Variants in EEPD1 observed in about 807,000 individuals in gnomAD.
EEPD1 encodes endonuclease/exonuclease/phosphatase family domain-containing protein 1.
Under a neutral mutation model 46.3 loss-of-function variants are expected in EEPD1, and 17 were observed. The ratio of observed to expected loss-of-function variants is 0.37; its 90% CI spans 0.25 to 0.55. The LOEUF is 0.55. Ranked by LOEUF, EEPD1 falls within the 20% of genes least tolerant of loss-of-function variation. The pLI is 0.83. For synonymous variants in EEPD1, 313 were observed against 315.6 expected, an observed-to-expected ratio of 0.99 and a Z score of 0.09; for missense variants, 673 against 745.6, an observed-to-expected ratio of 0.90 and a Z score of 1.13.
chr7:36,279,858 C>G (rs1372580224), intron 3 of EEPD1, among the ~76,000 whole-genome samples: 1 of 152,204 alleles, frequency 6.6e-6, no homozygotes, highest in Admixed American at 6.5e-5. Context: ...GGTGCATCAG[C>G]ATGGCCATGA....
intron 2 of EEPD1, among the ~76,000 whole-genome samples, chr7:36,197,037 T>G (rs1290655875): frequency 7.6e-6 from 1 of 132,086 alleles, no homozygotes; most frequent in Non-Finnish European, 1.6e-5. Flanking sequence ...CCGTCTGGGA[T>G]GTGAGGAGCG....
rs1055014790 is a variant in EEPD1 at position 36,179,568 on chromosome 7, TA to T, written c.878+24374del. On this transcript the variant is annotated intron_variant, in intron 2 of 7. Coordinates refer to ENST00000242108, the MANE Select transcript of EEPD1 (RefSeq NM_030636.3). Reference sequence around the variant, plus strand: ...AGAAAGGACCACACTGTCTTAAAAATAAAAAAAAGAGGCCAGGTGTGGTGGC... The same window carrying T: ...AGAAAGGACCACACTGTCTTAAAAATAAAAAAAGAGGCCAGGTGTGGTGGC... 1.1e-4 allele frequency among the ~76,000 whole-genome samples: 17 copies of T among 148,226 alleles called. 1 individual carries two copies. Among genetic ancestry groups the T allele is most frequent in the South Asian group, 4.4e-4 (2 of 4,578 alleles).
chr7:36,281,130 A>G lies in EEPD1; in HGVS notation c.946A>G (p.Asn316Asp). The G allele has an allele frequency of 1.2e-6, 2 of 1,614,126 alleles. No homozygotes were observed. The highest frequency in any genetic ancestry group is 1.7e-6 in the Non-Finnish European group (2 of 1,180,048). ...GTCTTTGCAGTTCTGCACGGAGCTA[A>G]ACCAGCCGACCCTGCCCAACATCCG... The part of the protein sequence containing the change: ...EALEKFCTEL[N>D]QPTLPNIRKW... Residue 316 changes from asparagine to aspartate, a missense_variant, in exon 4 of 8, where the codon AAC (asparagine) becomes GAC (aspartate). Physicochemically the swap from Asn to Asp is conservative, Grantham distance 23. Transcript: ENST00000242108.
At chr7:36,187,158 C>A (rs1478519051) in intron 2 of EEPD1, among the ~76,000 whole-genome samples, 1 of 152,102 alleles carries the variant, frequency 6.6e-6, no homozygotes, top group Non-Finnish European at 1.5e-5. Flanking sequence ...CTCCTCTTTA[C>A]CTCCTTTTCA....
At chr7:36,267,445 C>G (rs1354546528) in intron 3 of EEPD1, among the ~76,000 whole-genome samples, 6 of 152,192 alleles carry the variant, frequency 3.9e-5, no homozygotes, top group African/African-American at 1.4e-4. Flanking sequence ...CCACCACAGG[C>G]CCTTTGCACA....
intron 2 of EEPD1, among the ~76,000 whole-genome samples, chr7:36,198,354 AAAAAG>A (rs752916160): frequency 0.11 from 14,330 of 134,876 alleles, 949 homozygotes; most frequent in Non-Finnish European, 0.13. Context: ...AAAAAAAAAA[AAAAAG>A]AAAGATATTT....
intron 2 of EEPD1, among the ~76,000 whole-genome samples, chr7:36,175,960 C>A (rs1003913041): frequency 1.3e-5 from 2 of 152,188 alleles, no homozygotes; most frequent in Non-Finnish European, 2.9e-5. Flanking sequence ...CTCTGTGTGG[C>A]CTCTCTGGGA....
At chr7:36,224,677 T>C (rs149623966) in intron 2 of EEPD1, among the ~76,000 whole-genome samples, 17 of 152,246 alleles carry the variant, frequency 1.1e-4, no homozygotes, top group South Asian at 8.3e-4. Context: ...AGCAAGGAGA[T>C]GGATTCCATA....
chr7:36,179,935 CT>C (rs1264357428), intron 2 of EEPD1, among the ~76,000 whole-genome samples: 1 of 152,138 alleles, frequency 6.6e-6, no homozygotes, highest in African/African-American at 2.4e-5. Flanking sequence ...TCCCCCACCC[CT>C]GGCTTGCACT....
At chr7:36,262,048 A>G (rs1786933397) in intron 3 of EEPD1, among the ~76,000 whole-genome samples, 1 of 152,220 alleles carries the variant, frequency 6.6e-6, no homozygotes, top group South Asian at 2.1e-4. Context: ...CCTTAGAAGC[A>G]TTATCCAAAG....
At chr7:36,280,279 G>A (rs1787240227) in intron 3 of EEPD1, among the ~76,000 whole-genome samples, 1 of 152,176 alleles carries the variant, frequency 6.6e-6, no homozygotes, top group African/African-American at 2.4e-5. Flanking sequence ...CTGCCTCAGT[G>A]GGGCTGAATG....
chr7:36,164,410 T>C (rs1007398740), intron 2 of EEPD1, among the ~76,000 whole-genome samples: 30 of 152,200 alleles, frequency 2.0e-4, no homozygotes, highest in South Asian at 2.1e-4. Flanking sequence ...TCACAGCTGA[T>C]CAAGCCAAGT....
intron 2 of EEPD1, among the ~76,000 whole-genome samples, chr7:36,223,752 G>T (rs927457533): frequency 6.6e-6 from 1 of 152,070 alleles, no homozygotes; most frequent in African/African-American, 2.4e-5. Context: ...CAAGGGTCAG[G>T]GGGAGAAGGA....
intron 3 of EEPD1, among the ~76,000 whole-genome samples, chr7:36,279,094 C>T (rs1367676277): frequency 1.5e-4 from 1 of 6,572 alleles, no homozygotes; most frequent in African/African-American, 2.5e-4. Flanking sequence ...CACCCCGACT[C>T]CCCCGCATCC....
chr7:36,288,235 G>T (rs1370203400), intron 6 of EEPD1, among the ~76,000 whole-genome samples: 1 of 152,170 alleles, frequency 6.6e-6, no homozygotes, highest in Non-Finnish European at 1.5e-5. Flanking sequence ...GGGATACAGA[G>T]CATGTTGAAG....
intron 3 of EEPD1, 104 bp downstream of exon 3, chr7:36,239,140 A>G (rs142578937): frequency 4.4e-4 from 493 of 1,127,180 alleles, no homozygotes; most frequent in Non-Finnish European, 5.4e-4. Context: ...TACTGAAAAG[A>G]CGGTCAGTTA....
At chr7:36,263,899 C>G (rs1321048792) in intron 3 of EEPD1, among the ~76,000 whole-genome samples, 1 of 152,110 alleles carries the variant, frequency 6.6e-6, no homozygotes, top group South Asian at 2.1e-4. Context: ...GATACATTTG[C>G]GAGTAAGAGG....
intron 2 of EEPD1, among the ~76,000 whole-genome samples, chr7:36,165,082 T>G (rs1784960829): frequency 6.6e-6 from 1 of 152,148 alleles, no homozygotes; most frequent in South Asian, 2.1e-4. Flanking sequence ...AAGTGCACAG[T>G]GTTTATTAAA....
At chr7:36,220,731 C>T (rs1420767038) in intron 2 of EEPD1, among the ~76,000 whole-genome samples, 1 of 152,196 alleles carries the variant, frequency 6.6e-6, no homozygotes, top group Non-Finnish European at 1.5e-5. Flanking sequence ...TTGAAAAATG[C>T]TTTGTCCTTC....
Sources: allele counts gnomAD v4.1 joint callset (sites outside exome capture counted in the v4.1 genomes callset), GRCh38; gene constraint gnomAD v4.1.1; transcripts MANE v1.5; gene names NCBI Gene and HGNC (gene_info 2026-07-23, HGNC 2026-07-21).